CHD6: variants seen among roughly 807,000 people sequenced by gnomAD.
The protein encoded by CHD6 is chromodomain helicase DNA binding protein 6.
A neutral mutation model predicts 276.9 loss-of-function variants in CHD6; 50 were observed. The observed-to-expected ratio is 0.18, with a 90% CI of 0.14 to 0.23. The LOEUF (loss-of-function observed/expected upper bound fraction) is 0.23. Among genes scored for constraint, CHD6 ranks in the 10% least tolerant of loss-of-function variants. CHD6 has a pLI of 1.00. For missense variants in CHD6, 2,564 were observed against 3,365.8 expected (o/e 0.76, Z 5.89); for synonymous variants, 1,173 against 1,229.3 (o/e 0.95, Z 0.96).
chr20:41,483,562 A>C, intron 15 of CHD6, 43 bp from the exon 16 acceptor site: 3 of 1,421,936 alleles, frequency 2.1e-6, no homozygotes, highest in Non-Finnish European at 2.9e-6. Flanking sequence ...ACAGAATATA[A>C]GGATAAAGGT....
At chr20:41,537,508 G>A (rs901687365) in intron 2 of CHD6, among the ~76,000 whole-genome samples, 1 of 152,124 alleles carries the variant, frequency 6.6e-6, no homozygotes, top group Non-Finnish European at 1.5e-5. Flanking sequence ...ATTCATGTAA[G>A]GCGTTAGAAC....
chr20:41,450,818 C>T (rs1489726308), intron 23 of CHD6, 128 bp downstream of exon 23: 2 of 838,334 alleles, frequency 2.4e-6, no homozygotes, highest in East Asian at 2.5e-5. Flanking sequence ...ACAGATAACA[C>T]ATCCTGTCTT....
chr20:41,455,681 G>A (rs1392651804), intron 19 of CHD6, 119 bp downstream of exon 19: 2 of 679,810 alleles, frequency 2.9e-6, no homozygotes, highest in Non-Finnish European at 4.9e-6. Context: ...CAGACTAAAT[G>A]TGCAGCCAAT....
At chr20:41,496,144 T>C (rs2043680244) in intron 8 of CHD6, among the ~76,000 whole-genome samples, 1 of 152,188 alleles carries the variant, frequency 6.6e-6, no homozygotes, top group African/African-American at 2.4e-5. Flanking sequence ...ATTAGTAGGA[T>C]TCGTTTACTT....
At position 41,461,165 on chromosome 20, in the gene CHD6, A is replaced by G. The variant is rs757806563; in HGVS notation, c.2665-3737T>C. On this transcript the variant is annotated intron_variant, in intron 17 of 36. Transcript: ENST00000373233. ...TACCTGTATCCAAATCATATCTAGA[A>G]AGTAATTAACTTGCTTTTGATTTTA... Among the ~76,000 whole-genome samples the G allele has an allele frequency of 7.2e-5, 11 of 152,300 alleles. No homozygotes were observed. In the South Asian group the frequency reaches 2.3e-3, roughly 32 times the overall value.
intron 36 of CHD6, 52 bp downstream of exon 36, chr20:41,412,092 C>T (rs932517513): frequency 1.2e-6 from 2 of 1,606,362 alleles, no homozygotes; most frequent in Non-Finnish European, 1.7e-6. Flanking sequence ...TAAGGCACGG[C>T]TCAACCAGGA....
intron 5 of CHD6, among the ~76,000 whole-genome samples, chr20:41,500,705 T>C (rs1784295625): frequency 6.6e-6 from 1 of 152,150 alleles, no homozygotes; most frequent in Non-Finnish European, 1.5e-5. Flanking sequence ...ATTGCTGTCT[T>C]CTCCCTTTAC....
At chr20:41,583,223 A>G (rs2045559209) in intron 1 of CHD6, among the ~76,000 whole-genome samples, 1 of 152,178 alleles carries the variant, frequency 6.6e-6, no homozygotes. Flanking sequence ...ACATTGAGAC[A>G]CTTCACAGTT....
At chr20:41,477,181 C>T (rs1345714076) in intron 16 of CHD6, among the ~76,000 whole-genome samples, 2 of 152,074 alleles carry the variant, frequency 1.3e-5, no homozygotes, top group East Asian at 1.9e-4. Flanking sequence ...TTCAAAGTTG[C>T]AGTGAGCTAT....
In CHD6 at chr20:41,497,656, T is replaced by C. The variant is rs2043720269; in HGVS notation, c.975-155A>G. 6 of 657,154 alleles carry C rather than the reference T, an allele frequency of 9.1e-6. No homozygotes were observed. In the Admixed American group the frequency reaches 1.1e-4, roughly 12 times the overall value. 40.7% of individuals were successfully genotyped at this position (657,154 alleles called of 1,614,324 possible). A position where few individuals can be genotyped will look rare whatever the true frequency, so the allele number is the denominator to read the frequency against. ...ATTGGGCTTAGAAAGACCTTCCCCT[T>C]AAGGGCAACAACAGAAAACAAAACA... On this transcript the variant is annotated intron_variant, in intron 7 of 36. Coordinates refer to ENST00000373233, the MANE Select transcript of CHD6 (RefSeq NM_032221.5).
At chr20:41,500,321 A>AT (rs1314394239) in intron 5 of CHD6, among the ~76,000 whole-genome samples, 1 of 152,166 alleles carries the variant, frequency 6.6e-6, no homozygotes, top group East Asian at 1.9e-4. Flanking sequence ...ATTATAGAAA[A>AT]TATCTCTTAA....
chr20:41,474,037 C>G (rs564305280), intron 16 of CHD6, among the ~76,000 whole-genome samples: 15 of 152,164 alleles, frequency 9.9e-5, no homozygotes, highest in Non-Finnish European at 1.9e-4. Context: ...TCTAGCCTAC[C>G]AAGTTCCTCA....
chr20:41,519,363 C>T (rs1380345605), intron 3 of CHD6, among the ~76,000 whole-genome samples: 1 of 152,144 alleles, frequency 6.6e-6, no homozygotes, highest in Admixed American at 6.6e-5. Context: ...ATCTTTGACT[C>T]AGCAATCTAC....
intron 6 of CHD6, among the ~76,000 whole-genome samples, chr20:41,498,665 C>T (rs1161951351): frequency 2.0e-5 from 3 of 152,082 alleles, no homozygotes; most frequent in African/African-American, 7.2e-5. Flanking sequence ...CTCACCAGCA[C>T]CAACATACTC....
chr20:41,412,406 A>G, intron 35 of CHD6, 143 bp from the exon 36 acceptor site: 2 of 897,314 alleles, frequency 2.2e-6, no homozygotes, highest in South Asian at 1.6e-5. Flanking sequence ...TAAAGGAAAT[A>G]GCCACCTGGC....
chr20:41,529,775 AG>A (rs2044635611), intron 3 of CHD6, among the ~76,000 whole-genome samples: 1 of 152,074 alleles, frequency 6.6e-6, no homozygotes, highest in Admixed American at 6.5e-5. Context: ...TAACAGAGGA[AG>A]GAGTCTGGAT....
At chr20:41,607,361 C>T (rs983053482) in intron 1 of CHD6, among the ~76,000 whole-genome samples, 3 of 152,162 alleles carry the variant, frequency 2.0e-5, no homozygotes, top group African/African-American at 4.8e-5. Context: ...GATCATGATG[C>T]TTGTAGTGGC....
chr20:41,572,175 G>A (rs1350984028), intron 1 of CHD6, among the ~76,000 whole-genome samples: 9 of 152,194 alleles, frequency 5.9e-5, no homozygotes, highest in African/African-American at 1.9e-4. Context: ...CTCCTTTACA[G>A]AGCACATGAT....
intron 30 of CHD6, among the ~76,000 whole-genome samples, chr20:41,423,147 G>A (rs1246915336): frequency 6.6e-6 from 1 of 152,098 alleles, no homozygotes; most frequent in African/African-American, 2.4e-5. Context: ...TCTAAGGAAG[G>A]TGCAAAGTTC....
Sources: allele counts gnomAD v4.1 joint callset (sites outside exome capture counted in the v4.1 genomes callset), GRCh38; gene constraint gnomAD v4.1.1; transcripts MANE v1.5; gene names NCBI Gene and HGNC (gene_info 2026-07-23, HGNC 2026-07-21).